Variants in THADA observed in about 807,000 individuals in gnomAD.
The protein encoded by THADA is THADA armadillo repeat containing.
THADA carries 213 observed loss-of-function variants against 219.8 expected under a neutral mutation model. The observed-to-expected ratio is 0.97, with a 90% CI of 0.87 to 1.09. The LOEUF (loss-of-function observed/expected upper bound fraction) is 1.09, where lower values mean the gene tolerates loss of function less well. Ranked by LOEUF, THADA falls within the 50% of genes least tolerant of loss-of-function variation. The pLI is 0.00. For missense variants in THADA, 2,956 were observed against 2,311.3 expected, an observed-to-expected ratio of 1.28 and a Z score of -5.72; for synonymous variants, 1,018 against 828.9, an observed-to-expected ratio of 1.23 and a Z score of -3.92.
chr2:43,566,582 G>A (rs760486293), intron 15 of THADA, 116 bp downstream of exon 15: 2 of 1,107,580 alleles, frequency 1.8e-6, no homozygotes, highest in African/African-American at 1.5e-5. Flanking sequence ...TATAAGGTAA[G>A]AATGAAACCT....
At position 43,596,008 on chromosome 2, in the gene THADA, C is replaced by G. The variant is rs558968498; in HGVS notation, c.-102G>C. On this transcript the variant is annotated 5_prime_UTR_variant, in exon 1 of 38. Coordinates refer to ENST00000405975, the MANE Select transcript of THADA (RefSeq NM_022065.5). ...AAGCAGGTCTCCTTCTACGGCGTCT[C>G]CGAGGCTCGCAGCGCGGTCCACGGT... The G allele has an allele frequency of 3.3e-5, 5 of 152,490 alleles. No homozygotes were observed. In the South Asian group the frequency reaches 1.0e-3, roughly 32 times the overall value. The allele number at this position is 152,490 out of a possible 1,614,324, so 9.4% of individuals were successfully genotyped here. A position where few individuals can be genotyped will look rare whatever the true frequency, so the allele number is the denominator to read the frequency against.
At chr2:43,552,384 CA>C (rs1172792609) in intron 17 of THADA, 45 bp from the exon 18 acceptor site, 1 of 1,560,216 alleles carries the variant, frequency 6.4e-7, no homozygotes, top group Non-Finnish European at 8.7e-7. Context: ...AATCTTAAAA[CA>C]TTTGTAAATG....
In THADA at chr2:43,556,403, T is replaced by G. The variant is rs1697350259; in HGVS notation, c.2616A>C (p.Gln872His). Residue 872 changes from glutamine (Q) to histidine (H), a missense_variant, in exon 17 of 38, where the codon CAA (glutamine) becomes CAC (histidine). Transcript: ENST00000405975. ...PSSLSAYLTQ[Q>H]VACDNGDRPA... ...GCCTATCTCCATTATCACATGCAAC[T>G]TGCTGAGTTAAGTAGGCAGACAAGG... 1 of 1,613,878 alleles carries G rather than the reference T, an allele frequency of 6.2e-7. No homozygotes were observed. Among genetic ancestry groups the G allele is most frequent in the African/African-American group, 1.3e-5 (1 of 75,012 alleles).
At chr2:43,324,912 A>G (rs1225308915) in intron 30 of THADA, among the ~76,000 whole-genome samples, 1 of 152,232 alleles carries the variant, frequency 6.6e-6, no homozygotes, top group Non-Finnish European at 1.5e-5. Context: ...ATCAGCATGT[A>G]GCAGATGCAC....
At position 43,527,980 on chromosome 2, in the gene THADA, T is replaced by G; in HGVS notation, c.3273A>C (p.Glu1091Asp). ...DGLLTVEQVK[E>D]IGDYFKQHLL... The stretch of plus-strand genomic sequence containing the variant: ...GGTGTTGTTTAAAGTAATCTCCTAT[T>G]TCTTTTACCTTTAAAAAAAAAGCAA... Residue 1091 changes from glutamate (E) to aspartate (D), a missense_variant, in exon 22 of 38, where the codon GAA (glutamate) becomes GAC (aspartate). By Grantham distance (45) the Glu-to-Asp change is conservative. Coordinates refer to ENST00000405975, the MANE Select transcript of THADA (RefSeq NM_022065.5). 2.5e-6 allele frequency: 4 copies of G among 1,606,182 alleles called. No individual in the cohort carries two copies. The highest frequency in any genetic ancestry group is 3.4e-6 in the Non-Finnish European group (4 of 1,177,126).
chr2:43,496,971 T>C (rs1688348798), intron 25 of THADA, among the ~76,000 whole-genome samples: 1 of 151,980 alleles, frequency 6.6e-6, no homozygotes, highest in South Asian at 2.1e-4. Context: ...GAAATACAAA[T>C]CAAAACCACA....
chr2:43,574,668 C>A lies in THADA; in HGVS notation c.1397G>T (p.Gly466Val). Residue 466 changes from glycine (G) to valine (V), a missense_variant, in exon 11 of 38, where the codon GGA (glycine) becomes GTA (valine). Physicochemically the swap from Gly to Val is moderately radical, Grantham distance 109. Transcript: ENST00000405975. ...ATCTATAGCCAAAATATGTTCAACT[C>A]CTATGCACTCTACCAAACAACCAAG... The part of the protein sequence containing the change: ...TCLGCLVECI[G>V]VEHILAIDKT... 1 of 1,613,998 alleles carries A rather than the reference C, an allele frequency of 6.2e-7. No homozygotes were observed. Among genetic ancestry groups the A allele is most frequent in the Non-Finnish European group, 8.5e-7 (1 of 1,179,898 alleles).
At chr2:43,400,557 A>G (rs1471502705) in intron 28 of THADA, among the ~76,000 whole-genome samples, 3 of 150,628 alleles carry the variant, frequency 2.0e-5, no homozygotes, top group Non-Finnish European at 4.4e-5. Flanking sequence ...TGATGAGAAC[A>G]TTTAGAATCT....
At chr2:43,275,885 G>C (rs928431480) in intron 36 of THADA, among the ~76,000 whole-genome samples, 1 of 152,228 alleles carries the variant, frequency 6.6e-6, no homozygotes, top group Non-Finnish European at 1.5e-5. Flanking sequence ...GTATTGTCCA[G>C]GTTGTTTTTC....
chr2:43,562,610 G>A (rs188052759), intron 15 of THADA: 1 of 152,266 alleles, frequency 6.6e-6, no homozygotes, highest in Admixed American at 6.5e-5. Flanking sequence ...AATGAGGTAG[G>A]AGGTGTTCCC....
intron 31 of THADA, among the ~76,000 whole-genome samples, chr2:43,318,489 A>T (rs1573042972): frequency 6.6e-6 from 1 of 152,344 alleles, no homozygotes; most frequent in East Asian, 1.9e-4. Context: ...AACTCATACT[A>T]AGTCTTTGAA....
intron 26 of THADA, among the ~76,000 whole-genome samples, chr2:43,442,733 C>T (rs1681008430): frequency 6.6e-6 from 1 of 152,012 alleles, no homozygotes; most frequent in Admixed American, 6.5e-5. Context: ...AACATGGTGA[C>T]CCCATGGACC....
rs189707006 is a variant in THADA, at chr2:43,274,213, T to C, written c.5296+5552A>G. Among the ~76,000 whole-genome samples the C allele has an allele frequency of 1.5e-3, 226 of 151,788 alleles. 1 individual carries two copies. The highest frequency in any genetic ancestry group is 5.2e-3 in the African/African-American group (214 of 41,366). On this transcript the variant is annotated intron_variant, in intron 36 of 37. Coordinates refer to ENST00000405975, the MANE Select transcript of THADA (RefSeq NM_022065.5). ...AAGACCCTGACTTCAGAGGTAAGAG[T>C]GAGGAGGGACCCAACACTACAGGCT... is the stretch of plus-strand genomic sequence containing the variant.
At chr2:43,462,280 T>G (rs1383217213) in intron 26 of THADA, among the ~76,000 whole-genome samples, 1 of 152,204 alleles carries the variant, frequency 6.6e-6, no homozygotes, top group Non-Finnish European at 1.5e-5. Context: ...CTAAGATTCC[T>G]GCCAGTGTCA....
At position 43,231,169 on chromosome 2, in the gene THADA, G is replaced by A. The variant is rs1558436066; in HGVS notation, c.5641C>T (p.Leu1881Phe). 3 of 1,613,894 alleles carry A rather than the reference G, an allele frequency of 1.9e-6. No individual in the cohort carries two copies. The highest frequency in any genetic ancestry group is 1.7e-6 in the Non-Finnish European group (2 of 1,179,856). ...LQRMVSEQCH[L>F]LSQFFRELPP... ...AGCTCTCTGAAGAACTGAGACAGGA[G>A]GTGGCACTGCTCTGACACCATCCTT... The change falls in exon 38 of 38, where the codon CTC becomes TTC. Residue 1881 changes from leucine (L) to phenylalanine (F), a missense_variant. Physicochemically the swap from Leu to Phe is conservative, Grantham distance 22. Coordinates refer to ENST00000405975, the MANE Select transcript of THADA (RefSeq NM_022065.5).
chr2:43,470,201 T>C (rs1400553836), intron 26 of THADA, among the ~76,000 whole-genome samples: 1 of 131,618 alleles, frequency 7.6e-6, no homozygotes, highest in African/African-American at 3.2e-5. Context: ...CGGTGAGACC[T>C]TGTCTCAAAA....
chr2:43,578,714 C>G (rs1431595093), intron 8 of THADA, 107 bp from the exon 9 acceptor site: 2 of 614,920 alleles, frequency 3.3e-6, no homozygotes. Flanking sequence ...AATTTCTAGT[C>G]TGACCACTTC....
intron 20 of THADA, among the ~76,000 whole-genome samples, chr2:43,544,292 T>A (rs1695724994): frequency 6.6e-6 from 1 of 152,240 alleles, no homozygotes; most frequent in Non-Finnish European, 1.5e-5. Context: ...ATAGCATAGT[T>A]TGAAGTCAGG....
At position 43,469,418 on chromosome 2, in the gene THADA, T is replaced by C. The variant is rs183612097; in HGVS notation, c.3836+15816A>G. Among the ~76,000 whole-genome samples the C allele has an allele frequency of 2.4e-3, 366 of 152,190 alleles. 2 individuals are homozygous for C. The highest frequency in any genetic ancestry group is 0.01 in the Middle Eastern group (3 of 294). On this transcript the variant is annotated intron_variant, in intron 26 of 37. Coordinates refer to ENST00000405975, the MANE Select transcript of THADA (RefSeq NM_022065.5). ...GAAGAAAATACAATTAACCAACAAA[T>C]AATGTGGACAAACCTGAAATCTCAC...
Sources: allele counts gnomAD v4.1 joint callset (sites outside exome capture counted in the v4.1 genomes callset), GRCh38; gene constraint gnomAD v4.1.1; transcripts MANE v1.5; gene names NCBI Gene and HGNC (gene_info 2026-07-23, HGNC 2026-07-21).